The following UGT1A4 variants were observed in gnomAD, a reference collection of about 807,000 sequenced individuals.
UGT1A4 encodes the protein UDP glucuronosyltransferase family 1 member A4.
In UGT1A4, 32 loss-of-function variants were observed where a neutral mutation model predicts 41.1. The observed-to-expected ratio is 0.78, with a 90% CI of 0.59 to 1.05. The LOEUF (loss-of-function observed/expected upper bound fraction) is 1.05. UGT1A4 is among the 50% of genes least tolerant of loss of function. The probability of loss-of-function intolerance (pLI) is 0.00; values close to 1 mark genes in which losing one functional copy is unlikely to be tolerated. For synonymous variants in UGT1A4, 283 were observed against 265.1 expected, an observed-to-expected ratio of 1.07 and a Z score of -0.66; for missense variants, 748 against 677.4, an observed-to-expected ratio of 1.10 and a Z score of -1.16.
intron 2 of UGT1A4, among the ~76,000 whole-genome samples, chr2:233,767,485 A>G (rs764164317): frequency 5.9e-4 from 90 of 152,344 alleles, no homozygotes; most frequent in Non-Finnish European, 1.1e-3. Flanking sequence ...AAATAGAAGT[A>G]TTTCTCCAAA....
chr2:233,772,245 A>T lies in UGT1A4; in HGVS notation c.1308-17A>T, dbSNP rs1279252088. The T allele has an allele frequency of 1.2e-6, 2 of 1,614,050 alleles. No individual in the cohort carries two copies. The highest frequency in any genetic ancestry group is 1.7e-5 in the Admixed American group (1 of 60,002). On this transcript the variant is annotated splice_polypyrimidine_tract_variant and intron_variant, in intron 4 of 4. Coordinates refer to ENST00000373409, the MANE Select transcript of UGT1A4 (RefSeq NM_007120.3). ...CCACAGGTGTTCCAGGCATAACGAAACTGTCTTTGTGTTTAGTTACAAGGA... is the reference window on the plus strand; with the variant it reads ...CCACAGGTGTTCCAGGCATAACGAATCTGTCTTTGTGTTTAGTTACAAGGA...
intron 1 of UGT1A4, chr2:233,729,067 A>G (rs2077783738): frequency 6.2e-7 from 1 of 1,611,370 alleles, no homozygotes; most frequent in Admixed American, 1.7e-5. Context: ...AAGATGAAGA[A>G]AGCAAATGTA....
intron 1 of UGT1A4, among the ~76,000 whole-genome samples, chr2:233,736,321 A>G (rs1202722197): frequency 6.6e-6 from 1 of 152,088 alleles, no homozygotes; most frequent in Non-Finnish European, 1.5e-5. Context: ...AATTTTGTGC[A>G]TGTGTTATGA....
intron 1 of UGT1A4, among the ~76,000 whole-genome samples, chr2:233,749,165 T>C (rs1694132645): frequency 6.6e-6 from 1 of 151,910 alleles, no homozygotes; most frequent in Non-Finnish European, 1.5e-5. Flanking sequence ...TCCTTTTGTA[T>C]TTTTATTTCT....
chr2:233,741,879 A>G (rs775156771), intron 1 of UGT1A4: 10 of 151,838 alleles, frequency 6.6e-5, no homozygotes, highest in Non-Finnish European at 1.2e-4. Context: ...CTCAGAGGTG[A>G]CCCTAGAAGA....
intron 1 of UGT1A4, chr2:233,742,758 T>C (rs1302155264): frequency 1.3e-5 from 2 of 153,094 alleles, no homozygotes. Flanking sequence ...AATATTAAGA[T>C]AATAAATGCA....
chr2:233,745,880 T>G (rs1172718877), intron 1 of UGT1A4, among the ~76,000 whole-genome samples: 2 of 151,190 alleles, frequency 1.3e-5, no homozygotes, highest in Non-Finnish European at 2.9e-5. Context: ...TCCAGAAGTG[T>G]TGGTGGGGTG....
chr2:233,768,137 T>C (rs143830502), intron 3 of UGT1A4, 83 bp from the exon 4 acceptor site: 2 of 1,609,224 alleles, frequency 1.2e-6, no homozygotes, highest in East Asian at 4.5e-5. Context: ...ACTGAGTCTT[T>C]GGAGTGTTTT....
intron 1 of UGT1A4, among the ~76,000 whole-genome samples, chr2:233,762,717 GTTT>G (rs34681509): frequency 7.1e-6 from 1 of 141,162 alleles, no homozygotes. Context: ...ATTTTACACG[GTTT>G]TTTTTTTTTG....
chr2:233,729,899 G>A (rs780527869), intron 1 of UGT1A4: 13 of 1,613,938 alleles, frequency 8.1e-6, no homozygotes, highest in East Asian at 6.7e-5. Context: ...TGGCTGTTCC[G>A]AGGGGACTTT....
chr2:233,733,255 C>T (rs2078373056), intron 1 of UGT1A4, among the ~76,000 whole-genome samples: 1 of 152,174 alleles, frequency 6.6e-6, no homozygotes, highest in African/African-American at 2.4e-5. Context: ...CATCTGCAAA[C>T]AGGGACTATT....
chr2:233,756,958 C>A (rs1696367405), intron 1 of UGT1A4, among the ~76,000 whole-genome samples: 1 of 151,964 alleles, frequency 6.6e-6, no homozygotes, highest in Non-Finnish European at 1.5e-5. Context: ...GGACTTGGCA[C>A]TTGGTAAGCA....
At position 233,725,275 on chromosome 2, in the gene UGT1A4, CAGAGGCAGAG is replaced by C. The variant is rs2077421204; in HGVS notation, c.867+5589_867+5598del. On this transcript the variant is annotated intron_variant, in intron 1 of 4. Coordinates refer to ENST00000373409, the MANE Select transcript of UGT1A4 (RefSeq NM_007120.3). ...GAGGCAGAGGCAGAGGAGGCAGAGG[CAGAGGCAGAG>C]GCAGAGGCAGAGGCAGAGGCAGAGG... 7.5e-5 allele frequency among the ~76,000 whole-genome samples: 2 copies of C among 26,790 alleles called. 1 individual carries two copies. Among genetic ancestry groups the C allele is most frequent in the Admixed American group, 6.8e-4 (2 of 2,920 alleles). The allele number at this position is 26,790 out of a possible 152,430, so 17.6% of individuals were successfully genotyped here.
intron 1 of UGT1A4, among the ~76,000 whole-genome samples, chr2:233,737,983 G>A (rs936193524): frequency 6.6e-6 from 1 of 151,932 alleles, no homozygotes; most frequent in African/African-American, 2.4e-5. Flanking sequence ...ATATGGTTTG[G>A]CTCTGTGTCC....
chr2:233,732,326 T>G (rs2078260709), intron 1 of UGT1A4, among the ~76,000 whole-genome samples: 1 of 152,270 alleles, frequency 6.6e-6, no homozygotes, highest in African/African-American at 2.4e-5. Flanking sequence ...TGGCTTTTGT[T>G]GCCATTGCTT....
At chr2:233,761,518 T>C (rs780967719) in intron 1 of UGT1A4, among the ~76,000 whole-genome samples, 1 of 152,242 alleles carries the variant, frequency 6.6e-6, no homozygotes, top group African/African-American at 2.4e-5. Context: ...GCAGGCAATG[T>C]TCAGGACTGA....
At chr2:233,760,987 G>T in intron 1 of UGT1A4, 1 of 1,614,140 alleles carries the variant, frequency 6.2e-7, no homozygotes. Context: ...TGCAACCCTT[G>T]CCTCAGAATT....
intron 1 of UGT1A4, chr2:233,754,418 A>T: frequency 2.9e-6 from 1 of 342,598 alleles, no homozygotes; most frequent in Non-Finnish European, 5.7e-6. Context: ...CAATAAAGAC[A>T]GGCATTGGCA....
intron 1 of UGT1A4, chr2:233,741,833 G>A (rs1278091039): frequency 6.6e-6 from 1 of 151,848 alleles, no homozygotes; most frequent in Non-Finnish European, 1.5e-5. Flanking sequence ...ATCCAGTTCA[G>A]TTGCCTTTTG....
Sources: gnomAD v4.1 joint callset for allele counts (sites outside exome capture counted in the v4.1 genomes callset) on GRCh38, gnomAD v4.1.1 for gene constraint, MANE v1.5 for transcripts, NCBI Gene and HGNC (gene_info 2026-07-23, HGNC 2026-07-21) for gene names.